SREK1: variants seen among roughly 807,000 people sequenced by gnomAD.
SREK1 encodes the protein splicing regulatory glutamine/lysine-rich protein 1.
Under a neutral mutation model 66.5 loss-of-function variants are expected in SREK1, and 13 were observed. The ratio of observed to expected loss-of-function variants is 0.20; its 90% CI spans 0.13 to 0.31. The LOEUF (loss-of-function observed/expected upper bound fraction) is 0.31, where lower values mean the gene tolerates loss of function less well. Among genes scored for constraint, SREK1 ranks in the 10% least tolerant of loss-of-function variants. The pLI is 1.00. For missense variants in SREK1, 607 were observed against 769.6 expected, an observed-to-expected ratio of 0.79 and a Z score of 2.50; for synonymous variants, 265 against 263.5, an observed-to-expected ratio of 1.01 and a Z score of -0.05.
chr5:66,151,591 A>C (rs143614475), intron 1 of SREK1, among the ~76,000 whole-genome samples: 2 of 152,134 alleles, frequency 1.3e-5, no homozygotes, highest in African/African-American at 4.8e-5. Flanking sequence ...ATCAAGGTGT[A>C]ATATTCCAGC....
chr5:66,145,676 C>A (rs1343355870), intron 1 of SREK1, among the ~76,000 whole-genome samples: 1 of 151,378 alleles, frequency 6.6e-6, no homozygotes, highest in Non-Finnish European at 1.5e-5. Context: ...ATACATTGAA[C>A]ATCCATGTTC....
intron 1 of SREK1, among the ~76,000 whole-genome samples, chr5:66,151,675 T>G (rs1468820438): frequency 6.6e-6 from 1 of 151,918 alleles, no homozygotes; most frequent in Non-Finnish European, 1.5e-5. Context: ...AGGTGGTGAG[T>G]TAAGTCTGGA....
chr5:66,157,142 A>G (rs1744354624), intron 2 of SREK1: 1 of 944,134 alleles, frequency 1.1e-6, no homozygotes, highest in African/African-American at 1.8e-5. Flanking sequence ...TTAATTTATT[A>G]AAAAATGTGC....
At chr5:66,162,747 C>T in intron 5 of SREK1, 155 bp downstream of exon 5, 2 of 600,242 alleles carry the variant, frequency 3.3e-6, no homozygotes, top group Non-Finnish European at 5.4e-6. Flanking sequence ...GAGATACTTA[C>T]CATTTTAGTC....
At chr5:66,174,838 A>G (rs939785522) in intron 9 of SREK1, 108 bp from the exon 10 acceptor site, 7 of 1,004,060 alleles carry the variant, frequency 7.0e-6, no homozygotes, top group Non-Finnish European at 1.0e-5. Flanking sequence ...CTGGCCTCTA[A>G]AGAATACTGT....
In SREK1 at chr5:66,170,733, G is replaced by T. The variant is rs1483173611; in HGVS notation, c.1270G>T (p.Asp424Tyr). ...AGACCGGGACAAGGAACGGGAAAAG[G>T]ACCGGGAAAAAGACAAGGAAAAGGA... ...NKDRDKEREK[D>Y]REKDKEKDRE... Residue 424 changes from aspartate to tyrosine, a missense_variant, in exon 9 of 12, where the codon GAC becomes TAC. Asp to Tyr is a radical substitution (Grantham distance 160). Around this residue, in one of 5 missense-constraint regions of SREK1, gnomAD observed 318 missense variants for 310.3 expected, o/e 1.02. Coordinates refer to ENST00000334121, the MANE Select transcript of SREK1 (RefSeq NM_001077199.3). 6.2e-7 allele frequency: 1 copy of T among 1,601,590 alleles called. No homozygotes were observed. The highest frequency in any genetic ancestry group is 8.5e-7 in the Non-Finnish European group (1 of 1,173,438).
At chr5:66,152,909 A>G (rs1485225589) in intron 1 of SREK1, among the ~76,000 whole-genome samples, 1 of 151,986 alleles carries the variant, frequency 6.6e-6, no homozygotes, top group East Asian at 1.9e-4. Context: ...TTTGTTGCCT[A>G]TAAAATATGT....
intron 2 of SREK1, chr5:66,156,414 A>G (rs1744289250): frequency 9.1e-7 from 1 of 1,101,142 alleles, no homozygotes; most frequent in Non-Finnish European, 1.1e-6. Context: ...CAACCTTAAG[A>G]TAAAGCAAAT....
Position 66,158,531 on chromosome 5 carries a change from A to G in SREK1, c.296-688A>G, listed in dbSNP as rs75004149. ...GTGAGATGCTTTATTAACTGAATGG[A>G]TGTAGGCTTCCTTTTACGTTGAAGT... On this transcript the variant is annotated intron_variant, in intron 2 of 11. Transcript: ENST00000334121. 83 of 181,872 alleles carry G rather than the reference A, an allele frequency of 4.6e-4. No individual in the cohort carries two copies. The East Asian group carries it at 0.014, about 31-fold the overall frequency. The allele number at this position is 181,872 out of a possible 1,614,324, so 11.3% of individuals were successfully genotyped here.
chr5:66,170,989 G>T (rs953643565), intron 9 of SREK1, 42 bp downstream of exon 9: 3 of 1,556,316 alleles, frequency 1.9e-6, no homozygotes, highest in Admixed American at 2.1e-5. Flanking sequence ...ATTTGCTGAT[G>T]ACAATTGGAA....
chr5:66,167,594 A>G (rs1745280389), intron 7 of SREK1: 1 of 152,184 alleles, frequency 6.6e-6, no homozygotes, highest in African/African-American at 2.4e-5. Context: ...GAAAACTACT[A>G]GTGGGTAAGA....
Position 66,162,246 on chromosome 5 carries a change from G to C in SREK1, c.549G>C (p.Thr183=). The change falls in exon 4 of 12, where the codon ACG becomes ACC. Residue 183 remains threonine, a synonymous_variant. Coordinates refer to ENST00000334121, the MANE Select transcript of SREK1 (RefSeq NM_001077199.3). The part of the protein sequence containing the change: ...DPSKIDEIRR[T]VYVGNLNSQT... ...CCAAAATAGATGAAATTAGGAGAAC[G>C]GTTTATGTTGGAAATCTGAATTCCC... 6.2e-7 allele frequency: 1 copy of C among 1,614,024 alleles called. No homozygotes were observed. Among genetic ancestry groups the C allele is most frequent in the Non-Finnish European group, 8.5e-7 (1 of 1,179,960 alleles).
At chr5:66,174,906 CA>C in intron 9 of SREK1, 39 bp from the exon 10 acceptor site, 10 of 1,578,522 alleles carry the variant, frequency 6.3e-6, no homozygotes, top group Non-Finnish European at 8.7e-6. Flanking sequence ...CCGTTTATTT[CA>C]ATTGCTGTTT....
intron 6 of SREK1, 52 bp from the exon 7 acceptor site, chr5:66,164,730 TG>T: frequency 6.2e-7 from 1 of 1,613,206 alleles, no homozygotes; most frequent in Non-Finnish European, 8.5e-7. Context: ...GATTATTAAC[TG>T]GGATCTTTAA....
In SREK1 at chr5:66,177,790, A is replaced by G. The variant is rs926368669; in HGVS notation, c.1725+132A>G. 1.5e-5 allele frequency: 10 copies of G among 680,308 alleles called. No homozygotes were observed. In the Admixed American group the frequency reaches 3.4e-4, roughly 23 times the overall value. The allele number at this position is 680,308 out of a possible 1,614,324, so 42.1% of individuals were successfully genotyped here. On this transcript the variant is annotated intron_variant, in intron 11 of 11. Transcript: ENST00000334121. ...CATTTTATGGCATTTTAAAATATTT[A>G]AAATATTTAATTGGTAATTTAAAAA...
intron 11 of SREK1, among the ~76,000 whole-genome samples, chr5:66,178,180 T>C (rs1019448764): frequency 1.1e-4 from 17 of 151,878 alleles, no homozygotes; most frequent in African/African-American, 4.1e-4. Flanking sequence ...TATAGTTTTA[T>C]GTACTGTAAT....
At chr5:66,147,409 G>A (rs953067979) in intron 1 of SREK1, among the ~76,000 whole-genome samples, 4 of 152,124 alleles carry the variant, frequency 2.6e-5, no homozygotes, top group Non-Finnish European at 5.9e-5. Context: ...GAAGTGCACA[G>A]GTCGTAAGCG....
At chr5:66,170,205 T>C (rs940911979) in intron 8 of SREK1, 35 bp downstream of exon 8, 7 of 1,594,334 alleles carry the variant, frequency 4.4e-6, no homozygotes, top group African/African-American at 1.4e-5. Flanking sequence ...AATTTTTTTT[T>C]CCTCAGAGTT....
At position 66,179,560 on chromosome 5, in the gene SREK1, A is replaced by G. The variant is rs190529318; in HGVS notation, c.*692A>G. The G allele has an allele frequency of 6.6e-6, 1 of 152,622 alleles. No individual in the cohort carries two copies. Among genetic ancestry groups the G allele is most frequent in the African/African-American group, 2.4e-5 (1 of 41,542 alleles). The allele number at this position is 152,622 out of a possible 1,614,324, so 9.5% of individuals were successfully genotyped here. On this transcript the variant is annotated 3_prime_UTR_variant, in exon 12 of 12. Coordinates refer to ENST00000334121, the MANE Select transcript of SREK1 (RefSeq NM_001077199.3). ...GCAACCGTGTTGAATACTAATAATG[A>G]TGAATTAGTATTCAGTGTTTAGAAT...
Sources: allele counts gnomAD v4.1 joint callset (sites outside exome capture counted in the v4.1 genomes callset), GRCh38; gene constraint gnomAD v4.1.1; regional missense constraint gnomAD v4.1.1; transcripts MANE v1.5; gene names NCBI Gene and HGNC (gene_info 2026-07-23, HGNC 2026-07-21).